Variants in ST6GAL1 observed in about 807,000 individuals in gnomAD.
ST6GAL1 encodes ST6 beta-galactoside alpha-2,6-sialyltransferase 1, also known as beta-galactoside alpha-2,6-sialyltransferase 1.
In ST6GAL1, 20 loss-of-function variants were observed where a neutral mutation model predicts 38.0. The ratio of observed to expected loss-of-function variants is 0.53; its 90% confidence interval spans 0.37 to 0.77. The LOEUF (loss-of-function observed/expected upper bound fraction) is 0.77, where lower values mean the gene tolerates loss of function less well. Among genes scored for constraint, ST6GAL1 ranks in the 30% least tolerant of loss-of-function variants. The probability of loss-of-function intolerance (pLI) is 0.00; values close to 1 mark genes in which losing one functional copy is unlikely to be tolerated. For missense variants in ST6GAL1, 432 were observed against 496.4 expected, an observed-to-expected ratio of 0.87 and a Z score of 1.23; for synonymous variants, 196 against 188.2, an observed-to-expected ratio of 1.04 and a Z score of -0.34.
chr3:186,985,774 CAAAAAA>C (rs5855120), intron 2 of ST6GAL1, among the ~76,000 whole-genome samples: 4 of 131,696 alleles, frequency 3.0e-5, no homozygotes, highest in African/African-American at 1.2e-4. Flanking sequence ...GACCCTGTCT[CAAAAAA>C]AAAAAAAGAA....
intron 2 of ST6GAL1, among the ~76,000 whole-genome samples, chr3:187,027,703 A>AC (rs1361949842): frequency 2.6e-5 from 4 of 152,160 alleles, no homozygotes; most frequent in African/African-American, 9.7e-5. Context: ...ACTTCAACAA[A>AC]CAGGTATTGA....
intron 2 of ST6GAL1, among the ~76,000 whole-genome samples, chr3:186,991,427 G>A (rs1716164833): frequency 6.6e-6 from 1 of 152,174 alleles, no homozygotes; most frequent in Non-Finnish European, 1.5e-5. Context: ...TGGGAGCACA[G>A]GGAAGGGTTC....
At chr3:186,991,350 G>A (rs1235979402) in intron 2 of ST6GAL1, among the ~76,000 whole-genome samples, 2 of 152,140 alleles carry the variant, frequency 1.3e-5, no homozygotes, top group African/African-American at 4.8e-5. Flanking sequence ...GAAAGGTCAT[G>A]CCCTAATAGA....
intron 1 of ST6GAL1, among the ~76,000 whole-genome samples, chr3:186,956,831 C>T (rs1379329199): frequency 2.0e-5 from 3 of 152,060 alleles, no homozygotes; most frequent in Non-Finnish European, 2.9e-5. Flanking sequence ...AGACAGCTAA[C>T]GATCACCAGA....
chr3:186,958,968 TTAAA>T (rs113465096), intron 1 of ST6GAL1, among the ~76,000 whole-genome samples: 38,738 of 135,166 alleles, frequency 0.29, 6,835 homozygotes, highest in African/African-American at 0.39. Flanking sequence ...AAAAAAAAAA[TTAAA>T]TAAATAAATA....
At chr3:186,960,558 G>A (rs1420756953) in intron 1 of ST6GAL1, among the ~76,000 whole-genome samples, 1 of 152,094 alleles carries the variant, frequency 6.6e-6, no homozygotes, top group Non-Finnish European at 1.5e-5. Context: ...ATATTAAAAT[G>A]GCCAGGAAGC....
intron 2 of ST6GAL1, among the ~76,000 whole-genome samples, chr3:186,967,917 A>G (rs577683167): frequency 6.6e-6 from 1 of 152,336 alleles, no homozygotes; most frequent in Non-Finnish European, 1.5e-5. Context: ...TTCCTGCCTT[A>G]GCCCATCTGG....
At chr3:187,000,654 T>C (rs1716587730) in intron 2 of ST6GAL1, among the ~76,000 whole-genome samples, 1 of 152,232 alleles carries the variant, frequency 6.6e-6, no homozygotes, top group Non-Finnish European at 1.5e-5. Context: ...TCGATGGACT[T>C]CTGGATCACA....
chr3:186,957,819 C>G (rs1714797756), intron 1 of ST6GAL1, among the ~76,000 whole-genome samples: 2 of 152,106 alleles, frequency 1.3e-5, no homozygotes, highest in African/African-American at 4.8e-5. Flanking sequence ...AAATTATATC[C>G]TGACAAATTA....
rs1713848295 is a variant in ST6GAL1, at chr3:186,933,898, A to G, written c.-325+3064A>G. 2.0e-5 allele frequency among the ~76,000 whole-genome samples: 3 copies of G among 152,342 alleles called. No homozygotes were observed. The South Asian group carries it at 6.2e-4, about 32-fold the overall frequency. ...AAGCAAAGCCAGGGATCCCAGTAGT[A>G]GGTATGCTGAATAGTGCAATTATCT... is the stretch of plus-strand genomic sequence containing the variant. On this transcript the variant is annotated intron_variant, in intron 1 of 7. Coordinates refer to ENST00000169298, the MANE Select transcript of ST6GAL1 (RefSeq NM_173216.2).
At chr3:186,992,390 A>G (rs1359350496) in intron 2 of ST6GAL1, among the ~76,000 whole-genome samples, 1 of 152,170 alleles carries the variant, frequency 6.6e-6, no homozygotes, top group Non-Finnish European at 1.5e-5. Context: ...GTGGAACTGC[A>G]AGTCAATTAA....
At chr3:186,963,106 AAC>A (rs1219776900) in intron 1 of ST6GAL1, among the ~76,000 whole-genome samples, 1 of 152,226 alleles carries the variant, frequency 6.6e-6, no homozygotes, top group Non-Finnish European at 1.5e-5. Flanking sequence ...GACACAAGGA[AAC>A]ACAATTACTT....
At chr3:186,987,997 T>C (rs1716012193) in intron 2 of ST6GAL1, among the ~76,000 whole-genome samples, 1 of 152,218 alleles carries the variant, frequency 6.6e-6, no homozygotes, top group South Asian at 2.1e-4. Context: ...TCTGCTTTAG[T>C]TCCTGTTTGT....
In ST6GAL1 at chr3:187,077,799, T is replaced by C. The variant is rs1267803182; in HGVS notation, c.*1996T>C. 6.6e-6 allele frequency: 1 copy of C among 152,394 alleles called. No individual in the cohort carries two copies. Among genetic ancestry groups the C allele is most frequent in the Non-Finnish European group, 1.5e-5 (1 of 68,176 alleles). 9.4% of individuals were successfully genotyped at this position (152,394 alleles called of 1,614,324 possible). On this transcript the variant is annotated 3_prime_UTR_variant, in exon 8 of 8. Coordinates refer to ENST00000169298, the MANE Select transcript of ST6GAL1 (RefSeq NM_173216.2). ...CACCCTGCTGTGACGGAGGCTAGTG[T>C]GGAAGAGGTCCTGTCCTCAGGGAAT...
intron 5 of ST6GAL1, 173 bp from the exon 6 acceptor site, chr3:187,072,676 G>A: frequency 1.5e-6 from 1 of 681,086 alleles, no homozygotes. Context: ...TCAACACAGT[G>A]CAGGCTGGTA....
At chr3:186,981,866 G>T (rs931996153) in intron 2 of ST6GAL1, among the ~76,000 whole-genome samples, 1 of 152,124 alleles carries the variant, frequency 6.6e-6, no homozygotes, top group African/African-American at 2.4e-5. Context: ...GACCACCCTT[G>T]AATACCTCCT....
At chr3:186,964,948 A>G (rs762666406) in intron 2 of ST6GAL1, among the ~76,000 whole-genome samples, 1 of 152,174 alleles carries the variant, frequency 6.6e-6, no homozygotes, top group Non-Finnish European at 1.5e-5. Context: ...GATTTCCGTC[A>G]TTATTTCATA....
At chr3:186,933,375 T>G (rs900412216) in intron 1 of ST6GAL1, among the ~76,000 whole-genome samples, 1 of 152,190 alleles carries the variant, frequency 6.6e-6, no homozygotes, top group Non-Finnish European at 1.5e-5. Flanking sequence ...AATAAAATTC[T>G]TATCTGCCTT....
chr3:186,935,549 C>T (rs1713920432), intron 1 of ST6GAL1, among the ~76,000 whole-genome samples: 2 of 152,118 alleles, frequency 1.3e-5, no homozygotes, highest in South Asian at 4.1e-4. Flanking sequence ...AATGGTAGTT[C>T]TATTTTTAGT....
Sources: allele counts gnomAD v4.1 joint callset (sites outside exome capture counted in the v4.1 genomes callset), GRCh38; gene constraint gnomAD v4.1.1; transcripts MANE v1.5; gene names NCBI Gene and HGNC (gene_info 2026-07-23, HGNC 2026-07-21).